The following TMEM74 variants were observed in gnomAD, a reference collection of about 807,000 sequenced individuals.
The protein encoded by TMEM74 is transmembrane protein 74.
TMEM74 carries 13 observed loss-of-function variants against 18.1 expected under a neutral mutation model. The ratio of observed to expected loss-of-function variants is 0.72; its 90% CI spans 0.47 to 1.14. The LOEUF is 1.14. Ranked by LOEUF, TMEM74 falls within the 50% of genes most tolerant of loss-of-function variation. TMEM74 has a pLI of 0.00. For missense variants in TMEM74, 372 were observed against 375.9 expected (o/e 0.99, Z 0.09); for synonymous variants, 159 against 146.6 (o/e 1.08, Z -0.61).
chr8:108,758,792 A>C (rs925165038), intron 1 of TMEM74, among the ~76,000 whole-genome samples: 2 of 152,110 alleles, frequency 1.3e-5, no homozygotes, highest in African/African-American at 4.8e-5. Context: ...AATTCCCATC[A>C]ATGGGATGTT....
At chr8:108,664,310 T>C (rs1034646457) in intron 1 of TMEM74, among the ~76,000 whole-genome samples, 2 of 152,134 alleles carry the variant, frequency 1.3e-5, no homozygotes, top group African/African-American at 2.4e-5. Context: ...TTGAGCAGTG[T>C]TTTGTAATTC....
intron 2 of TMEM74, among the ~76,000 whole-genome samples, chr8:108,609,801 T>G (rs1469194916): frequency 6.6e-6 from 1 of 152,248 alleles, no homozygotes; most frequent in African/African-American, 2.4e-5. Flanking sequence ...GCAATGATTA[T>G]TGTCATTCTG....
intron 2 of TMEM74, among the ~76,000 whole-genome samples, chr8:108,638,579 A>T (rs2130559533): frequency 6.6e-6 from 1 of 151,974 alleles, no homozygotes; most frequent in South Asian, 2.1e-4. Flanking sequence ...AAAAAAAAAA[A>T]AGTTTATCGG....
At chr8:108,652,833 T>C (rs1563741089) in intron 2 of TMEM74, 18 of 532,604 alleles carry the variant, frequency 3.4e-5, no homozygotes, top group South Asian at 2.2e-4. Context: ...TGGACAGATA[T>C]GAAGGTTGTA....
rs190328308 is a variant in TMEM74 at position 108,737,613 on chromosome 8, T to C, written n.119+49863A>G. On this transcript the variant is annotated intron_variant and non_coding_transcript_variant, in intron 1 of 3. Transcript: ENST00000518838. ...AGACACTAAGTCATACTCACCCCTC[T>C]GAGACCAGTAGGAACAGTGTCACCA... Among the ~76,000 whole-genome samples the C allele has an allele frequency of 2.6e-4, 40 of 152,316 alleles. No homozygotes were observed. The East Asian group carries it at 4.4e-3, about 17-fold the overall frequency.
intron 1 of TMEM74, among the ~76,000 whole-genome samples, chr8:108,708,809 C>CAAAAA (rs71564016): frequency 0.097 from 1,741 of 17,892 alleles, 140 homozygotes; most frequent in Middle Eastern, 0.21. Flanking sequence ...AACTCAATAG[C>CAAAAA]AAAAAAAAAA....
intron 1 of TMEM74, among the ~76,000 whole-genome samples, chr8:108,735,792 A>G (rs1174016289): frequency 6.6e-6 from 1 of 152,064 alleles, no homozygotes; most frequent in Admixed American, 6.6e-5. Flanking sequence ...TTAATATCCA[A>G]TATCTCACTC....
chr8:108,615,181 G>C (rs1383542171), intron 2 of TMEM74, among the ~76,000 whole-genome samples: 8 of 152,176 alleles, frequency 5.3e-5, no homozygotes. Context: ...GAACAGCCCA[G>C]AGGGACGGAA....
chr8:108,615,268 A>G (rs62512402), intron 2 of TMEM74, among the ~76,000 whole-genome samples: 2 of 152,190 alleles, frequency 1.3e-5, no homozygotes, highest in Non-Finnish European at 2.9e-5. Flanking sequence ...TAGAGGCCAC[A>G]TATCTCCTGG....
At chr8:108,642,870 C>A (rs1420082632) in intron 2 of TMEM74, among the ~76,000 whole-genome samples, 1 of 152,108 alleles carries the variant, frequency 6.6e-6, no homozygotes, top group African/African-American at 2.4e-5. Context: ...GGAATTGTTA[C>A]AAGTTCACGA....
At chr8:108,702,005 T>C (rs1813340316) in intron 1 of TMEM74, among the ~76,000 whole-genome samples, 1 of 152,080 alleles carries the variant, frequency 6.6e-6, no homozygotes, top group Non-Finnish European at 1.5e-5. Context: ...TAAGCTTTAC[T>C]ATAAAGGCAC....
At chr8:108,691,488 A>G (rs951083778) in intron 1 of TMEM74, among the ~76,000 whole-genome samples, 2 of 152,228 alleles carry the variant, frequency 1.3e-5, no homozygotes, top group African/African-American at 4.8e-5. Flanking sequence ...TGAAGTTCGC[A>G]ATGACTTCAG....
At chr8:108,754,898 G>A (rs925952666) in intron 1 of TMEM74, among the ~76,000 whole-genome samples, 3 of 151,872 alleles carry the variant, frequency 2.0e-5, no homozygotes, top group South Asian at 2.1e-4. Context: ...TAAGGCAGAG[G>A]GGGCAATCTC....
intron 1 of TMEM74, among the ~76,000 whole-genome samples, chr8:108,705,416 T>C (rs1813387526): frequency 1.3e-5 from 2 of 152,220 alleles, no homozygotes; most frequent in Non-Finnish European, 2.9e-5. Context: ...AATTCCTGGA[T>C]GGATCTTGGG....
chr8:108,638,256 A>G (rs1812626838), intron 2 of TMEM74, among the ~76,000 whole-genome samples: 1 of 152,180 alleles, frequency 6.6e-6, no homozygotes, highest in South Asian at 2.1e-4. Context: ...TAACCCTGCG[A>G]AGAACTCTGC....
chr8:108,726,651 T>C (rs1461970119), intron 1 of TMEM74, among the ~76,000 whole-genome samples: 1 of 152,122 alleles, frequency 6.6e-6, no homozygotes. Flanking sequence ...ACTCTATTAG[T>C]TTTGAACATA....
At chr8:108,613,890 A>G (rs1236274684) in intron 2 of TMEM74, among the ~76,000 whole-genome samples, 1 of 152,016 alleles carries the variant, frequency 6.6e-6, no homozygotes, top group Non-Finnish European at 1.5e-5. Context: ...ACATTACCTC[A>G]TTTTTCTTAG....
intron 1 of TMEM74, among the ~76,000 whole-genome samples, chr8:108,741,138 A>G (rs1479639268): frequency 2.6e-5 from 4 of 152,166 alleles, no homozygotes; most frequent in Non-Finnish European, 4.4e-5. Flanking sequence ...AAAATTATAC[A>G]ATATATTGTT....
chr8:108,737,182 T>C (rs1240671062), intron 1 of TMEM74, among the ~76,000 whole-genome samples: 1 of 152,174 alleles, frequency 6.6e-6, no homozygotes, highest in Non-Finnish European at 1.5e-5. Flanking sequence ...TTATTATGTA[T>C]GGACTCCTGA....
Sources: allele counts gnomAD v4.1 joint callset (sites outside exome capture counted in the v4.1 genomes callset), GRCh38; gene constraint gnomAD v4.1.1; transcripts MANE v1.5; gene names NCBI Gene and HGNC (gene_info 2026-07-23, HGNC 2026-07-21).